The following XKR6 variants were observed in gnomAD, a reference collection of about 807,000 sequenced individuals.
The protein encoded by XKR6 is XK related 6.
XKR6 carries 22 observed loss-of-function variants against 56.7 expected under a neutral mutation model. That is an observed-to-expected ratio of 0.39 (90% CI 0.28 to 0.55). XKR6 has a LOEUF of 0.55. Among genes scored for constraint, XKR6 ranks in the 20% least tolerant of loss-of-function variants. XKR6 has a pLI of 0.66. For missense variants in XKR6, 852 were observed against 889.0 expected, an observed-to-expected ratio of 0.96 and a Z score of 0.53; for synonymous variants, 524 against 387.8, an observed-to-expected ratio of 1.35 and a Z score of -4.13.
At chr8:11,137,845 T>C (rs1800484961) in intron 1 of XKR6, 1 of 366,134 alleles carries the variant, frequency 2.7e-6, no homozygotes, top group African/African-American at 2.1e-5. Flanking sequence ...TTAAGGCAAA[T>C]GAGGAAATAA....
intron 1 of XKR6, among the ~76,000 whole-genome samples, chr8:11,019,876 G>C (rs548882078): frequency 6.6e-6 from 1 of 152,188 alleles, no homozygotes; most frequent in Non-Finnish European, 1.5e-5. Flanking sequence ...AGAGAAATCC[G>C]ATCAGAGGTT....
At position 10,898,022 on chromosome 8, in the gene XKR6, G is replaced by T. The variant is rs771789078; in HGVS notation, c.1856C>A (p.Thr619Asn). 2.5e-6 allele frequency: 4 copies of T among 1,613,778 alleles called. No individual in the cohort carries two copies. The East Asian group carries it at 8.9e-5, about 36-fold the overall frequency. Reference sequence around the variant, plus strand: ...GTCTCGATATCGAATGCCTACTGCGGTGGGGGTGACATATTGTAGAATGTT... The same window carrying T: ...GTCTCGATATCGAATGCCTACTGCGTTGGGGGTGACATATTGTAGAATGTT... ...TINILQYVTP[T>N]AVGIRYRDGP... Residue 619 changes from threonine to asparagine, a missense_variant, in exon 3 of 3, where the codon ACC (threonine) becomes AAC (asparagine). By Grantham distance (65) the Thr-to-Asn change is moderately conservative. Around this residue, in one of 4 missense-constraint regions of XKR6, gnomAD observed 39 missense variants for 62.5 expected, o/e 0.62. Transcript: ENST00000416569. This position sits in a 1 kb window ranked among gnomAD's most constrained non-coding sequence, Gnocchi z 6.6.
chr8:11,111,415 G>C (rs896504727), intron 1 of XKR6, among the ~76,000 whole-genome samples: 1 of 152,074 alleles, frequency 6.6e-6, no homozygotes, highest in African/African-American at 2.4e-5. Context: ...ATATAATTTG[G>C]GTGGACTTTG....
chr8:11,106,430 T>A (rs1798678133), intron 1 of XKR6: 1 of 152,248 alleles, frequency 6.6e-6, no homozygotes, highest in South Asian at 2.1e-4. Context: ...GGTCCATTCC[T>A]GGCCTCAAGG....
chr8:11,074,840 G>A (rs1463649368), intron 1 of XKR6, among the ~76,000 whole-genome samples: 2 of 152,236 alleles, frequency 1.3e-5, no homozygotes, highest in Non-Finnish European at 2.9e-5. Context: ...GCATCTGTGG[G>A]CAGCTGCCCT....
intron 1 of XKR6, chr8:11,002,525 G>A (rs1412044550): frequency 3.1e-6 from 1 of 320,242 alleles, no homozygotes; most frequent in Non-Finnish European, 6.7e-6. Context: ...GCAGGAATGG[G>A]GAAGGTGTGG....
intron 1 of XKR6, among the ~76,000 whole-genome samples, chr8:11,025,416 T>C (rs1798838499): frequency 6.6e-6 from 1 of 152,182 alleles, no homozygotes; most frequent in Non-Finnish European, 1.5e-5. Context: ...ATTGAATACC[T>C]GCTAAGGCCT....
chr8:11,145,535 G>A (rs944147740), intron 1 of XKR6, among the ~76,000 whole-genome samples: 3 of 152,074 alleles, frequency 2.0e-5, no homozygotes, highest in African/African-American at 7.2e-5. Flanking sequence ...TGCAGGATAT[G>A]CAAAGATAAA....
intron 1 of XKR6, among the ~76,000 whole-genome samples, chr8:11,008,656 C>G (rs1446408491): frequency 6.6e-6 from 1 of 152,026 alleles, no homozygotes; most frequent in Non-Finnish European, 1.5e-5. Context: ...TTCAAATGAT[C>G]CACCTGCCTC....
In XKR6 at chr8:11,007,174, A is replaced by G. The variant is rs189813888; in HGVS notation, c.765-82344T>C. On this transcript the variant is annotated intron_variant, in intron 1 of 2. Coordinates refer to ENST00000416569, the MANE Select transcript of XKR6 (RefSeq NM_173683.4). Reference sequence around the variant, plus strand: ...GAGCTGTGGCAGCCAATGTATGACCATGAGGGATAGGTCAGGAGAGTCATA... The same window carrying G: ...GAGCTGTGGCAGCCAATGTATGACCGTGAGGGATAGGTCAGGAGAGTCATA... 1.2e-3 allele frequency among the ~76,000 whole-genome samples: 181 copies of G among 152,312 alleles called. 2 individuals carry two copies. Among genetic ancestry groups the G allele is most frequent in the African/African-American group, 4.1e-3 (172 of 41,586 alleles).
At chr8:10,923,560 A>C (rs536086838) in intron 2 of XKR6, among the ~76,000 whole-genome samples, 3 of 152,206 alleles carry the variant, frequency 2.0e-5, no homozygotes, top group Admixed American at 6.5e-5. Flanking sequence ...CTTTTTGCCT[A>C]AGTACCTAGG....
At position 11,024,206 on chromosome 8, in the gene XKR6, T is replaced by G. The variant is rs59858572; in HGVS notation, c.765-99376A>C. ...TGCAGACAACATACCTGTTAGGAGGTGTGTGTGTGTGTGTGTGTGTGTGTG... is the reference window on the plus strand; with the variant it reads ...TGCAGACAACATACCTGTTAGGAGGGGTGTGTGTGTGTGTGTGTGTGTGTG... On this transcript the variant is annotated intron_variant, in intron 1 of 2. Transcript: ENST00000416569. 0.018 allele frequency among the ~76,000 whole-genome samples: 713 copies of G among 39,780 alleles called. 9 individuals are homozygous for G. The African/African-American group carries it at 0.26, about 14-fold the overall frequency. The allele number at this position is 39,780 out of a possible 152,430, so 26.1% of individuals were successfully genotyped here.
At chr8:11,058,271 C>A (rs1199824252) in intron 1 of XKR6, among the ~76,000 whole-genome samples, 1 of 152,150 alleles carries the variant, frequency 6.6e-6, no homozygotes, top group Admixed American at 6.5e-5. Flanking sequence ...TGTGGCGATT[C>A]CTCAAGGATC....
chr8:11,024,007 C>T lies in XKR6; in HGVS notation c.765-99177G>A, dbSNP rs189342238. On this transcript the variant is annotated intron_variant, in intron 1 of 2. Transcript: ENST00000416569. ...GAAGGTCCTTGGATGTATTTCTTCA[C>T]ATGCGTCACAACACCACGCAGCCCT... Among the ~76,000 whole-genome samples the T allele has an allele frequency of 5.9e-5, 9 of 152,320 alleles. No homozygotes were observed. In the East Asian group the frequency reaches 1.7e-3, roughly 29 times the overall value.
intron 1 of XKR6, among the ~76,000 whole-genome samples, chr8:11,014,380 A>G (rs1798569625): frequency 6.6e-6 from 1 of 152,242 alleles, no homozygotes; most frequent in African/African-American, 2.4e-5. Context: ...AAGGAAAACT[A>G]TTAACCTGTG....
intron 1 of XKR6, among the ~76,000 whole-genome samples, chr8:11,117,477 C>T (rs1004319160): frequency 3.3e-5 from 5 of 152,164 alleles, no homozygotes; most frequent in Non-Finnish European, 5.9e-5. Context: ...TGAATGACGG[C>T]GTGGAGACAG....
intron 1 of XKR6, among the ~76,000 whole-genome samples, chr8:11,002,788 G>A (rs777036595): frequency 2.0e-5 from 3 of 152,218 alleles, no homozygotes; most frequent in African/African-American, 2.4e-5. Context: ...GCAGAAAGGA[G>A]ATAGAAGGGA....
At chr8:11,011,693 G>C (rs1441721244) in intron 1 of XKR6, among the ~76,000 whole-genome samples, 1 of 152,198 alleles carries the variant, frequency 6.6e-6, no homozygotes, top group Non-Finnish European at 1.5e-5. Context: ...GAATGCCTGG[G>C]GACAGAGGCT....
In XKR6 at chr8:11,006,846, T is replaced by C. The variant is rs920049286; in HGVS notation, c.765-82016A>G. Among the ~76,000 whole-genome samples the C allele has an allele frequency of 2.0e-5, 3 of 152,218 alleles. No individual in the cohort carries two copies. The South Asian group carries it at 6.2e-4, about 32-fold the overall frequency. On this transcript the variant is annotated intron_variant, in intron 1 of 2. Coordinates refer to ENST00000416569, the MANE Select transcript of XKR6 (RefSeq NM_173683.4). ...CCTACCAGCTACCAGCTGCCTCCTC[T>C]CTCTTTGTTTATAGAAGCCCATCTC...
Sources: allele counts gnomAD v4.1 joint callset (sites outside exome capture counted in the v4.1 genomes callset), GRCh38; gene constraint gnomAD v4.1.1; regional missense constraint gnomAD v4.1.1; non-coding constraint Gnocchi (gnomAD v3.1); transcripts MANE v1.5; gene names NCBI Gene and HGNC (gene_info 2026-07-23, HGNC 2026-07-21).